The following ADCY1 variants were observed in gnomAD, a reference collection of about 807,000 sequenced individuals.
The protein encoded by ADCY1 is adenylate cyclase 1.
In ADCY1, 28 loss-of-function variants were observed where a neutral mutation model predicts 105.4. The observed-to-expected ratio is 0.27, with a 90% confidence interval of 0.20 to 0.36. The LOEUF is 0.36. Ranked by LOEUF, ADCY1 falls within the 10% of genes least tolerant of loss-of-function variation. The pLI is 1.00. For missense variants in ADCY1, 977 were observed against 1,434.2 expected, an observed-to-expected ratio of 0.68 and a Z score of 5.15; for synonymous variants, 655 against 623.8, an observed-to-expected ratio of 1.05 and a Z score of -0.75.
At chr7:45,694,102 A>T (rs1411066552) in intron 14 of ADCY1, among the ~76,000 whole-genome samples, 3 of 90,632 alleles carry the variant, frequency 3.3e-5, no homozygotes, top group African/African-American at 7.3e-5. Context: ...GTACCCTAAA[A>T]CTTAGAGTAT....
intron 2 of ADCY1, among the ~76,000 whole-genome samples, chr7:45,593,912 A>G (rs1052033301): frequency 2.0e-5 from 3 of 152,246 alleles, no homozygotes; most frequent in Non-Finnish European, 4.4e-5. Context: ...GTGAACACGT[A>G]GGAGGGCGTG....
chr7:45,574,585 C>T lies in ADCY1; in HGVS notation c.42C>T (p.Gly14=). 1 of 1,026,800 alleles carries T rather than the reference C, an allele frequency of 9.7e-7. No individual in the cohort carries two copies. The highest frequency in any genetic ancestry group is 8.5e-5 in the East Asian group (1 of 11,812). 63.6% of individuals were successfully genotyped at this position (1,026,800 alleles called of 1,614,324 possible). A position where few individuals can be genotyped will look rare whatever the true frequency, so the allele number is the denominator to read the frequency against. ...GCGGCGGAGGCGGCGGCGGAGGCGG[C>T]GCGGGCGAGCCCGGGGGCGCCGAGC... ...APRGGGGGGG[G]AGEPGGAERA... Residue 14 remains glycine, a synonymous_variant, in exon 1 of 20, where the codon GGC becomes GGT. Coordinates refer to ENST00000297323, the MANE Select transcript of ADCY1 (RefSeq NM_021116.4). The surrounding 1 kb of genome is among the most constrained non-coding windows in gnomAD (Gnocchi z 7.0).
chr7:45,574,199 T>C, upstream of ADCY1: 2 of 950,526 alleles, frequency 2.1e-6, no homozygotes, highest in Non-Finnish European at 2.5e-6. The surrounding 1 kb of genome is among the most constrained non-coding windows in gnomAD (Gnocchi z 7.0). Flanking sequence ...GTACTCGAGG[T>C]CACGCGGCTC....
At chr7:45,623,364 A>C (rs7804984) in intron 4 of ADCY1, among the ~76,000 whole-genome samples, 35 of 152,238 alleles carry the variant, frequency 2.3e-4, no homozygotes, top group African/African-American at 8.0e-4. Flanking sequence ...TAGGAAGCAA[A>C]GATGAGCAAG....
At chr7:45,580,796 G>A (rs1048575948) in intron 1 of ADCY1, among the ~76,000 whole-genome samples, 2 of 152,212 alleles carry the variant, frequency 1.3e-5, no homozygotes, top group Non-Finnish European at 2.9e-5. Context: ...AGGTGGGAGT[G>A]TGCTGGGGGC....
chr7:45,646,677 C>CCAAATGA lies in ADCY1; in HGVS notation c.1021-1993_1021-1992insCAAATGA, dbSNP rs1794673649. On this transcript the variant is annotated intron_variant, in intron 4 of 19. Transcript: ENST00000297323. ...CTACCCAGCTCTGAACTCATGCTCC[C>CCAAATGA]GGGCCCCTGCCACAGGCTCATGTCA... Among the ~76,000 whole-genome samples the CCAAATGA allele has an allele frequency of 2.0e-5, 3 of 152,340 alleles. No homozygotes were observed. The South Asian group carries it at 6.2e-4, about 32-fold the overall frequency.
At chr7:45,654,388 A>G (rs10263580) in intron 5 of ADCY1, among the ~76,000 whole-genome samples, 63,855 of 152,128 alleles carry the variant, frequency 0.42, 13,672 homozygotes, top group South Asian at 0.53. Flanking sequence ...GGTTTACTAC[A>G]TTGAATTAAA....
At chr7:45,595,325 G>T (rs1044807467) in intron 2 of ADCY1, among the ~76,000 whole-genome samples, 1 of 152,118 alleles carries the variant, frequency 6.6e-6, no homozygotes, top group African/African-American at 2.4e-5. Flanking sequence ...TGGGGCCCAG[G>T]GGGGTTGGGG....
rs529358211 is a variant in ADCY1, at chr7:45,610,290, G to T, written c.790-89G>T. ...GACGTGGGCCTACCCAGGCTCAGGG[G>T]CCCGGCGCCCTTACTGGGGAGGGTG... On this transcript the variant is annotated intron_variant, in intron 2 of 19. Coordinates refer to ENST00000297323, the MANE Select transcript of ADCY1 (RefSeq NM_021116.4). 8.4e-6 allele frequency: 10 copies of T among 1,189,246 alleles called. No individual in the cohort carries two copies. The East Asian group carries it at 2.1e-4, about 25-fold the overall frequency. 73.7% of individuals were successfully genotyped at this position (1,189,246 alleles called of 1,614,324 possible).
At chr7:45,648,393 C>T (rs547148688) in intron 4 of ADCY1, among the ~76,000 whole-genome samples, 1 of 152,326 alleles carries the variant, frequency 6.6e-6, no homozygotes, top group African/African-American at 2.4e-5. Context: ...AGGGTTGGCT[C>T]AGTGAAGCAG....
intron 14 of ADCY1, among the ~76,000 whole-genome samples, chr7:45,697,222 G>T (rs961903716): frequency 2.0e-5 from 3 of 152,054 alleles, no homozygotes; most frequent in Admixed American, 2.0e-4. Flanking sequence ...TAGACAGGGT[G>T]TCTTCTGCTT....
At chr7:45,643,904 A>G (rs1431394157) in intron 4 of ADCY1, among the ~76,000 whole-genome samples, 1 of 152,142 alleles carries the variant, frequency 6.6e-6, no homozygotes, top group Non-Finnish European at 1.5e-5. Context: ...TGAGGCAGGG[A>G]GGCTTCCGGG....
intron 4 of ADCY1, among the ~76,000 whole-genome samples, chr7:45,630,379 G>T (rs4724423): frequency 0.98 from 149,143 of 152,354 alleles, 73,006 homozygotes; most frequent in East Asian, 1. Context: ...CTGTGGTGAA[G>T]TACCACAAAC....
intron 3 of ADCY1, among the ~76,000 whole-genome samples, chr7:45,613,762 A>G (rs1227957251): frequency 6.6e-6 from 1 of 152,192 alleles, no homozygotes; most frequent in Non-Finnish European, 1.5e-5. Context: ...GAGAATTTTG[A>G]AAACAGAAAG....
At position 45,720,184 on chromosome 7, in the gene ADCY1, G is replaced by C. The variant is rs1012205228; in HGVS notation, c.*6189G>C. The C allele has an allele frequency of 6.6e-6, 1 of 152,092 alleles. No homozygotes were observed. Among genetic ancestry groups the C allele is most frequent in the South Asian group, 2.1e-4 (1 of 4,818 alleles). The allele number at this position is 152,092 out of a possible 1,614,324, so 9.4% of individuals were successfully genotyped here. ...CAGACAGGTGACCTTCTTGGGTTGT[G>C]CTTCACAATGGACTGGGAAAAACAT... On this transcript the variant is annotated 3_prime_UTR_variant, in exon 20 of 20. Coordinates refer to ENST00000297323, the MANE Select transcript of ADCY1 (RefSeq NM_021116.4).
chr7:45,657,793 C>T lies in ADCY1; in HGVS notation c.1215C>T (p.Leu405=). ...TGGGTCTGCACACGGGCAGGGTCCTCTGTGGTGTCCTGGGCTTGCGCAAGT... is the reference window on the plus strand; with the variant it reads ...TGGGTCTGCACACGGGCAGGGTCCTTTGTGGTGTCCTGGGCTTGCGCAAGT... The part of the protein sequence containing the change: ...MRVGLHTGRV[L]CGVLGLRKWQ... Residue 405 remains leucine (L), a synonymous_variant, in exon 6 of 20, where the codon CTC becomes CTT. Coordinates refer to ENST00000297323, the MANE Select transcript of ADCY1 (RefSeq NM_021116.4). The T allele has an allele frequency of 6.2e-7, 1 of 1,613,572 alleles. No individual in the cohort carries two copies. The highest frequency in any genetic ancestry group is 8.5e-7 in the Non-Finnish European group (1 of 1,179,870).
chr7:45,712,003 A>G (rs753720260), intron 19 of ADCY1, among the ~76,000 whole-genome samples: 1 of 116,432 alleles, frequency 8.6e-6, no homozygotes, highest in South Asian at 2.2e-4. Context: ...TATATATTAT[A>G]TTAAATATAT....
chr7:45,583,937 G>GTTTTTTTTTT (rs869216986), intron 1 of ADCY1, among the ~76,000 whole-genome samples: 7 of 56,894 alleles, frequency 1.2e-4, no homozygotes, highest in African/African-American at 2.8e-4. Flanking sequence ...ACTGTGCCCT[G>GTTTTTTTTTT]TTTTTTTTTT....
chr7:45,582,108 TCA>T (rs1252764706), intron 1 of ADCY1, among the ~76,000 whole-genome samples: 1 of 152,122 alleles, frequency 6.6e-6, no homozygotes, highest in African/African-American at 2.4e-5. Flanking sequence ...ACTTATAGAT[TCA>T]CACACTCACA....
Sources: allele counts gnomAD v4.1 joint callset (sites outside exome capture counted in the v4.1 genomes callset), GRCh38; gene constraint gnomAD v4.1.1; non-coding constraint Gnocchi (gnomAD v3.1); transcripts MANE v1.5; gene names NCBI Gene and HGNC (gene_info 2026-07-23, HGNC 2026-07-21).